Variants in RD3 observed in about 807,000 individuals in gnomAD.
The protein encoded by RD3 is RD3 regulator of GUCY2D, also known as protein RD3.
RD3 carries 11 observed loss-of-function variants against 16.9 expected under a neutral mutation model. The observed-to-expected ratio is 0.65, with a 90% confidence interval of 0.41 to 1.08. RD3 has a LOEUF of 1.08. Among genes scored for constraint, RD3 ranks in the 50% least tolerant of loss-of-function variants. The pLI is 0.00. For missense variants in RD3, 274 were observed against 267.4 expected, an observed-to-expected ratio of 1.02 and a Z score of -0.17; for synonymous variants, 116 against 114.8, an observed-to-expected ratio of 1.01 and a Z score of -0.07.
chr1:211,479,473 C>G (rs1705219228), intron 2 of RD3, 146 bp from the exon 3 acceptor site: 2 of 726,056 alleles, frequency 2.8e-6, no homozygotes, highest in Middle Eastern at 3.9e-4. Flanking sequence ...AGGAACCACC[C>G]CACGCTGCTA....
In RD3 at chr1:211,478,414, A is replaced by G; in HGVS notation, c.*622T>C. 2 of 377,726 alleles carry G rather than the reference A, an allele frequency of 5.3e-6. No homozygotes were observed. Among genetic ancestry groups the G allele is most frequent in the East Asian group, 3.8e-5 (1 of 26,040 alleles). 23.4% of individuals were successfully genotyped at this position (377,726 alleles called of 1,614,324 possible). ...TCATGCAGGAACAATCTCACTGTTC[A>G]TGAGGAGCTGGCTGCAGTTAAAGGC... On this transcript the variant is annotated 3_prime_UTR_variant, in exon 3 of 3. Transcript: ENST00000680073.
At chr1:211,483,559 G>A (rs932944732) in intron 1 of RD3, among the ~76,000 whole-genome samples, 10 of 151,972 alleles carry the variant, frequency 6.6e-5, no homozygotes, top group Non-Finnish European at 1.2e-4. Flanking sequence ...CTGGGAGAGT[G>A]GGACGAAAGG....
intron 1 of RD3, among the ~76,000 whole-genome samples, chr1:211,485,248 C>T (rs1331737898): frequency 6.6e-6 from 1 of 152,186 alleles, no homozygotes; most frequent in African/African-American, 2.4e-5. Context: ...TTTGTGGGCT[C>T]TAAGCCTCTT....
chr1:211,487,785 C>T (rs1705406448), intron 1 of RD3, among the ~76,000 whole-genome samples: 1 of 152,226 alleles, frequency 6.6e-6, no homozygotes, highest in Admixed American at 6.5e-5. Context: ...GGCCTGGAGA[C>T]TGAGGCGCAG....
In RD3 at chr1:211,479,150, G is replaced by A; in HGVS notation, c.474C>T (p.Arg158=). 1.2e-6 allele frequency: 2 copies of A among 1,612,828 alleles called. No homozygotes were observed. The highest frequency in any genetic ancestry group is 1.7e-6 in the Non-Finnish European group (2 of 1,179,636). The part of the protein sequence containing the change: ...GSLATFKTRA[R]ISPFASDIRT... Reference sequence around the variant, plus strand: ...TGATGTCGCTGGCGAAGGGCGAGATGCGCGCGCGGGTCTTGAAGGTGGCCA... The same window carrying A: ...TGATGTCGCTGGCGAAGGGCGAGATACGCGCGCGGGTCTTGAAGGTGGCCA... Residue 158 remains arginine, a synonymous_variant, in exon 3 of 3, where the codon CGC becomes CGT. Transcript: ENST00000680073.
At chr1:211,480,085 T>C (rs955610344) in intron 2 of RD3, among the ~76,000 whole-genome samples, 2 of 152,170 alleles carry the variant, frequency 1.3e-5, no homozygotes, top group African/African-American at 4.8e-5. Flanking sequence ...CCCTCACTTT[T>C]GAGGCTTGAT....
At chr1:211,481,972 C>T (rs1050651188) in intron 1 of RD3, among the ~76,000 whole-genome samples, 2 of 152,180 alleles carry the variant, frequency 1.3e-5, no homozygotes, top group African/African-American at 4.8e-5. Context: ...CCTGCAATCC[C>T]AATACTTTGG....
chr1:211,490,708 G>C (rs192624648), intron 1 of RD3, among the ~76,000 whole-genome samples: 39 of 152,286 alleles, frequency 2.6e-4, no homozygotes, highest in African/African-American at 8.9e-4. Flanking sequence ...AATCCACCAA[G>C]CCAGATATGA....
At chr1:211,482,334 C>T (rs183977931) in intron 1 of RD3, among the ~76,000 whole-genome samples, 3 of 151,936 alleles carry the variant, frequency 2.0e-5, no homozygotes, top group African/African-American at 4.9e-5. Context: ...GACATAAACA[C>T]GAAAGGATGA....
intron 1 of RD3, among the ~76,000 whole-genome samples, chr1:211,484,287 T>C (rs1286417092): frequency 6.6e-6 from 1 of 152,164 alleles, no homozygotes; most frequent in African/African-American, 2.4e-5. Context: ...AATGAATGAA[T>C]GCCCGAACAA....
chr1:211,482,299 A>G (rs1251901521), intron 1 of RD3, among the ~76,000 whole-genome samples: 1 of 151,988 alleles, frequency 6.6e-6, no homozygotes, highest in Non-Finnish European at 1.5e-5. Context: ...GCATTAATCA[A>G]GCACTGTGTA....
At position 211,478,884 on chromosome 1, in the gene RD3, G is replaced by T. The variant is rs1034203590; in HGVS notation, c.*152C>A. On this transcript the variant is annotated 3_prime_UTR_variant, in exon 3 of 3. Coordinates refer to ENST00000680073, the MANE Select transcript of RD3 (RefSeq NM_001164688.2). The stretch of plus-strand genomic sequence containing the variant: ...GAGGAAGAGGATGGGGCAGGGAGTC[G>T]CTTCATTTTATAGCAGCGTCTTGGG... 4 of 692,410 alleles carry T rather than the reference G, an allele frequency of 5.8e-6. No individual in the cohort carries two copies. Among genetic ancestry groups the T allele is most frequent in the African/African-American group, 3.6e-5 (2 of 55,492 alleles). The allele number at this position is 692,410 out of a possible 1,614,324, so 42.9% of individuals were successfully genotyped here. A position where few individuals can be genotyped will look rare whatever the true frequency, so the allele number is the denominator to read the frequency against.
At chr1:211,481,522 C>G in intron 1 of RD3, 96 bp from the exon 2 acceptor site, 1 of 1,198,176 alleles carries the variant, frequency 8.3e-7, no homozygotes, top group Non-Finnish European at 1.2e-6. Context: ...AGAGCTGGGA[C>G]CCAGGAGAGA....
chr1:211,490,611 A>G (rs1251333838), intron 1 of RD3, among the ~76,000 whole-genome samples: 5 of 152,362 alleles, frequency 3.3e-5, no homozygotes, highest in Admixed American at 3.3e-4. Context: ...TCTGCCTCCC[A>G]GCTCTGTGTT....
At position 211,478,980 on chromosome 1, in the gene RD3, C is replaced by A; in HGVS notation, c.*56G>T. ...TTCCAGGGCCCGGCGCTCCGGTCACCGGCCTATCATTCCCCCTGCAGAAGG... is the reference window on the plus strand; with the variant it reads ...TTCCAGGGCCCGGCGCTCCGGTCACAGGCCTATCATTCCCCCTGCAGAAGG... On this transcript the variant is annotated 3_prime_UTR_variant, in exon 3 of 3. Transcript: ENST00000680073. 5 of 1,485,280 alleles carry A rather than the reference C, an allele frequency of 3.4e-6. No individual in the cohort carries two copies. The highest frequency in any genetic ancestry group is 4.5e-6 in the Non-Finnish European group (5 of 1,115,052). The allele number at this position is 1,485,280 out of a possible 1,614,324, so 92.0% of individuals were successfully genotyped here. A position where few individuals can be genotyped will look rare whatever the true frequency, so the allele number is the denominator to read the frequency against.
Position 211,479,078 on chromosome 1 carries a change from C to T in RD3, c.546G>A (p.Arg182=). ...CCCGGAATTCGGGCATGCTCCAGGA[C>T]CGCAGTGGCGGCGGTGTGTCCCGCT... ...DVERDTPPPL[R]SWSMPEFRAP... is the part of the protein sequence containing the mutation. Residue 182 remains arginine, a synonymous_variant, in exon 3 of 3, where the codon CGG becomes CGA. Transcript: ENST00000680073. 1 of 1,610,594 alleles carries T rather than the reference C, an allele frequency of 6.2e-7. No homozygotes were observed. Among genetic ancestry groups the T allele is most frequent in the Non-Finnish European group, 8.5e-7 (1 of 1,179,338 alleles).
chr1:211,479,447 G>A, intron 2 of RD3, 120 bp from the exon 3 acceptor site: 1 of 881,790 alleles, frequency 1.1e-6, no homozygotes, highest in South Asian at 1.8e-5. Context: ...ACTCTACTCT[G>A]CTCCTGAAGC....
chr1:211,484,680 C>T (rs1237811947), intron 1 of RD3, among the ~76,000 whole-genome samples: 3 of 152,224 alleles, frequency 2.0e-5, no homozygotes, highest in Admixed American at 2.0e-4. Flanking sequence ...ATTCAGACAG[C>T]ATTCTTGGAC....
At chr1:211,480,003 A>T (rs2102366981) in intron 2 of RD3, among the ~76,000 whole-genome samples, 1 of 152,348 alleles carries the variant, frequency 6.6e-6, no homozygotes, top group East Asian at 1.9e-4. Context: ...ATTGAGAGTC[A>T]GGACTTCCCA....
Sources: gnomAD v4.1 joint callset for allele counts (sites outside exome capture counted in the v4.1 genomes callset) on GRCh38, gnomAD v4.1.1 for gene constraint, MANE v1.5 for transcripts, NCBI Gene and HGNC (gene_info 2026-07-23, HGNC 2026-07-21) for gene names.